The following EPB41L1 variants were observed in gnomAD, a reference collection of about 807,000 sequenced individuals.
EPB41L1 encodes the protein erythrocyte membrane protein band 4.1 like 1.
EPB41L1 carries 29 observed loss-of-function variants against 97.8 expected under a neutral mutation model. The observed-to-expected ratio is 0.30, with a 90% CI of 0.22 to 0.40. The LOEUF (loss-of-function observed/expected upper bound fraction) is 0.40. Ranked by LOEUF, EPB41L1 falls within the 10% of genes least tolerant of loss-of-function variation. The probability of loss-of-function intolerance (pLI) is 1.00; values close to 1 mark genes in which losing one functional copy is unlikely to be tolerated. For synonymous variants in EPB41L1, 383 were observed against 459.2 expected (o/e 0.83, Z 2.12); for missense variants, 812 against 1,162.3 (o/e 0.70, Z 4.38).
At position 36,173,879 on chromosome 20, in the gene EPB41L1, T is replaced by G. The variant is rs763709856; in HGVS notation, c.102T>G (p.Pro34=). ...CCGCTGTGACCACCCCTGTGACCCC[T>G]GCAGGCCACGGCCACCCAGAGGCCA... ...AAAAVTTPVT[P]AGHGHPEANS... The change falls in exon 2 of 22, where the codon CCT becomes CCG. Residue 34 remains proline (P), a synonymous_variant. Coordinates refer to ENST00000338074, the MANE Select transcript of EPB41L1 (RefSeq NM_012156.2). 6.2e-7 allele frequency: 1 copy of G among 1,613,862 alleles called. No individual in the cohort carries two copies.
chr20:36,138,845 C>A (rs1349286715), intron 2 of EPB41L1, among the ~76,000 whole-genome samples: 1 of 152,206 alleles, frequency 6.6e-6, no homozygotes, highest in East Asian at 1.9e-4. Flanking sequence ...CCTCTCTCTC[C>A]ACCTGTCTAT....
rs935990583 is a variant in EPB41L1, at chr20:36,206,576, C to T, written c.1669-2912C>T. The T allele has an allele frequency of 7.8e-6, 10 of 1,289,774 alleles. No homozygotes were observed. The highest frequency in any genetic ancestry group is 1.5e-5 in the African/African-American group (1 of 65,954). 79.9% of individuals were successfully genotyped at this position (1,289,774 alleles called of 1,614,324 possible). ...GCCCCTCCCGGAGGTGAGCCCAGGC[C>T]GACGCTGAATTCCTTAGACCTGAGG... On this transcript the variant is annotated intron_variant, in intron 14 of 21. Coordinates refer to ENST00000338074, the MANE Select transcript of EPB41L1 (RefSeq NM_012156.2). This position sits in a 1 kb window ranked among gnomAD's most constrained non-coding sequence, Gnocchi z 5.5.
At chr20:36,105,436 G>A (rs1306648760) in intron 1 of EPB41L1, among the ~76,000 whole-genome samples, 3 of 152,142 alleles carry the variant, frequency 2.0e-5, no homozygotes, top group Admixed American at 6.5e-5. Context: ...GTCATCTTTT[G>A]CTTCCTTTCA....
chr20:36,186,283 G>A (rs2061680293), intron 7 of EPB41L1, among the ~76,000 whole-genome samples: 3 of 152,138 alleles, frequency 2.0e-5, no homozygotes, highest in Non-Finnish European at 1.5e-5. Flanking sequence ...GATTGTTATG[G>A]GGACTCAATA....
At chr20:36,198,519 C>T (rs2062330382) in intron 14 of EPB41L1, among the ~76,000 whole-genome samples, 2 of 152,162 alleles carry the variant, frequency 1.3e-5, no homozygotes, top group East Asian at 1.9e-4. Flanking sequence ...AGTGGTCCCT[C>T]CTAGAAGGGG....
In EPB41L1 at chr20:36,214,345, T is replaced by G; in HGVS notation, c.2185-12T>G. Reference sequence around the variant, plus strand: ...AGCTCTCCCCAGCTCTAACGACTCCTCCTCTGGTCAGCAGGTTGATGGGAG... The same window carrying G: ...AGCTCTCCCCAGCTCTAACGACTCCGCCTCTGGTCAGCAGGTTGATGGGAG... On this transcript the variant is annotated splice_polypyrimidine_tract_variant and intron_variant, in intron 16 of 21. Coordinates refer to ENST00000338074, the MANE Select transcript of EPB41L1 (RefSeq NM_012156.2). 3 of 1,613,070 alleles carry G rather than the reference T, an allele frequency of 1.9e-6. No homozygotes were observed. The highest frequency in any genetic ancestry group is 2.5e-6 in the Non-Finnish European group (3 of 1,179,312).
Position 36,195,044 on chromosome 20 carries a change from G to A in EPB41L1, c.1450-285G>A, listed in dbSNP as rs187700715. On this transcript the variant is annotated intron_variant, in intron 12 of 21. Coordinates refer to ENST00000338074, the MANE Select transcript of EPB41L1 (RefSeq NM_012156.2). This position sits in a 1 kb window ranked among gnomAD's most constrained non-coding sequence, Gnocchi z 4.6. ...CCTTGAACATGCTCCCACTGACAGCGAGAGCAGGGAACTCCATTCTCACAT... is the reference window on the plus strand; with the variant it reads ...CCTTGAACATGCTCCCACTGACAGCAAGAGCAGGGAACTCCATTCTCACAT... Among the ~76,000 whole-genome samples, 3 of 152,268 alleles carry A rather than the reference G, an allele frequency of 2.0e-5. No homozygotes were observed. Among genetic ancestry groups the A allele is most frequent in the Non-Finnish European group, 2.9e-5 (2 of 68,010 alleles).
In EPB41L1 at chr20:36,092,633, G is replaced by T. The variant is rs1162018672; in HGVS notation, c.-65+1021G>T. The T allele has an allele frequency of 6.6e-6, 1 of 151,742 alleles. No individual in the cohort carries two copies. The highest frequency in any genetic ancestry group is 1.5e-5 in the Non-Finnish European group (1 of 67,902). 9.4% of individuals were successfully genotyped at this position (151,742 alleles called of 1,614,324 possible). A position where few individuals can be genotyped will look rare whatever the true frequency, so the allele number is the denominator to read the frequency against. On this transcript the variant is annotated intron_variant, in intron 1 of 19. Transcript: ENST00000202028. The surrounding 1 kb of genome is among the most constrained non-coding windows in gnomAD (Gnocchi z 7.0). ...GCCGGGGCGGGGCGGAGCGGCGAGA[G>T]GGGGTGTGGGGGGCGGGCGAGGAGG...
rs772685833 is a variant in EPB41L1 at position 36,175,579 on chromosome 20, G to C, written c.206G>C (p.Ser69Thr). Residue 69 changes from serine to threonine, a missense_variant, in exon 3 of 22, where the codon AGT (serine) becomes ACT (threonine). Physicochemically the swap from Ser to Thr is moderately conservative, Grantham distance 58. Transcript: ENST00000338074. ...CTAGACATGGAGGAGAAGGACTACA[G>C]TGAGGCCGATGGCCTTTCGGAGAGG... ...QSLDMEEKDY[S>T]EADGLSERTT... 4 of 1,614,238 alleles carry C rather than the reference G, an allele frequency of 2.5e-6. No individual in the cohort carries two copies. The Admixed American group carries it at 6.7e-5, about 27-fold the overall frequency.
chr20:36,205,479 CT>C (rs2062749352), intron 14 of EPB41L1, among the ~76,000 whole-genome samples: 1 of 152,210 alleles, frequency 6.6e-6, no homozygotes, highest in South Asian at 2.1e-4. Flanking sequence ...ATGGAAATGA[CT>C]TTCCCCTCTG....
rs117345474 is a variant in EPB41L1 at position 36,138,425 on chromosome 20, G to A, written c.-10+25945G>A. 1.9e-3 allele frequency among the ~76,000 whole-genome samples: 283 copies of A among 151,838 alleles called. 1 individual carries two copies. Among genetic ancestry groups the A allele is most frequent in the East Asian group, 6.6e-3 (34 of 5,156 alleles). ...GGATTACAGCTTCTCCACCCCGCCC[G>A]CTAATTTTTGCATTTTTAGTAGAGA... is the stretch of plus-strand genomic sequence containing the variant. On this transcript the variant is annotated intron_variant, in intron 2 of 19. Coordinates refer to the EPB41L1 transcript ENST00000202028.
rs952558650 is a variant in EPB41L1, at chr20:36,092,245, A to G, written c.-65+633A>G. ...GGGGTTACCCCGGGGCACCGGGCAC[A>G]GAGCCGAGAAGTCTAAGCTAGGGAA... On this transcript the variant is annotated intron_variant, in intron 1 of 19. Transcript: ENST00000202028. This position sits in a 1 kb window ranked among gnomAD's most constrained non-coding sequence, Gnocchi z 7.0. Among the ~76,000 whole-genome samples, 1 of 152,152 alleles carries G rather than the reference A, an allele frequency of 6.6e-6. No homozygotes were observed. The highest frequency in any genetic ancestry group is 2.4e-5 in the African/African-American group (1 of 41,446).
At chr20:36,141,577 G>A (rs1405685455) in intron 2 of EPB41L1, among the ~76,000 whole-genome samples, 1 of 152,206 alleles carries the variant, frequency 6.6e-6, no homozygotes, top group African/African-American at 2.4e-5. Flanking sequence ...GGGGGCTCTA[G>A]TGAGATTCTA....
intron 2 of EPB41L1, among the ~76,000 whole-genome samples, chr20:36,129,704 T>A (rs1160946911): frequency 6.6e-6 from 1 of 152,188 alleles, no homozygotes; most frequent in Non-Finnish European, 1.5e-5. Flanking sequence ...CAGGGCTGCA[T>A]TGCAGTTATT....
intron 1 of EPB41L1, among the ~76,000 whole-genome samples, chr20:36,164,853 T>G (rs2060672409): frequency 6.6e-6 from 1 of 151,922 alleles, no homozygotes; most frequent in African/African-American, 2.4e-5. Flanking sequence ...GCCCGGCTAA[T>G]TTTTGTATTT....
intron 15 of EPB41L1, among the ~76,000 whole-genome samples, chr20:36,210,593 C>G (rs1301668710): frequency 6.6e-6 from 1 of 152,184 alleles, no homozygotes; most frequent in African/African-American, 2.4e-5. Flanking sequence ...GCTCTCACTT[C>G]ATGCTATATT....
rs1183421852 is a variant in EPB41L1 at position 36,175,691 on chromosome 20, C to T, written c.318C>T (p.Ala106=). 1.2e-6 allele frequency: 2 copies of T among 1,614,074 alleles called. No homozygotes were observed. Among genetic ancestry groups the T allele is most frequent in the South Asian group, 2.2e-5 (2 of 91,078 alleles). ...TCTGCCGGGTCACTCTGCTTGATGC[C>T]TCGGAGTATGAGTGTGAGGTGGAGG... is the stretch of plus-strand genomic sequence containing the variant. ...SAICRVTLLD[A]SEYECEVEKH... Residue 106 remains alanine, a synonymous_variant, in exon 3 of 22, where the codon GCC becomes GCT. Coordinates refer to ENST00000338074, the MANE Select transcript of EPB41L1 (RefSeq NM_012156.2).
Position 36,185,183 on chromosome 20 carries a change from G to A in EPB41L1, c.633G>A (p.Thr211=), listed in dbSNP as rs752354193. The change falls in exon 7 of 22, where the codon ACG becomes ACA. Residue 211 remains threonine, a synonymous_variant. Transcript: ENST00000338074. ...ITGRLPCSFV[T]HALLGSYAVQ... The stretch of plus-strand genomic sequence containing the variant: ...GCCGGCTGCCATGCTCCTTTGTCAC[G>A]CATGCCCTACTGGGCTCCTACGCTG... The A allele has an allele frequency of 2.3e-5, 37 of 1,613,166 alleles. No individual in the cohort carries two copies. The highest frequency in any genetic ancestry group is 2.0e-4 in the African/African-American group (15 of 74,888).
At chr20:36,185,047 G>C (rs552462148) in intron 6 of EPB41L1, 70 bp from the exon 7 acceptor site, 1 of 1,481,302 alleles carries the variant, frequency 6.8e-7, no homozygotes, top group African/African-American at 1.4e-5. Flanking sequence ...AGTTCTGATG[G>C]ACAGCTGTGC....
Sources: gnomAD v4.1 joint callset for allele counts (sites outside exome capture counted in the v4.1 genomes callset) on GRCh38, gnomAD v4.1.1 for gene constraint, Gnocchi (gnomAD v3.1) non-coding constraint, MANE v1.5 for transcripts, NCBI Gene and HGNC (gene_info 2026-07-23, HGNC 2026-07-21) for gene names.